Variants in FLRT2 observed in about 807,000 individuals in gnomAD.
The protein encoded by FLRT2 is leucine-rich repeat transmembrane protein FLRT2.
Under a neutral mutation model 40.0 loss-of-function variants are expected in FLRT2, and 15 were observed. That is an observed-to-expected ratio of 0.38 (90% CI 0.25 to 0.58). FLRT2 has a LOEUF of 0.58. Ranked by LOEUF, FLRT2 falls within the 20% of genes least tolerant of loss-of-function variation. The pLI is 0.71. For missense variants in FLRT2, 726 were observed against 840.0 expected (o/e 0.86, Z 1.68); for synonymous variants, 380 against 336.8 (o/e 1.13, Z -1.41).
intron 1 of FLRT2, among the ~76,000 whole-genome samples, chr14:85,586,103 A>G (rs977372346): frequency 2.2e-4 from 32 of 148,318 alleles, no homozygotes; most frequent in African/African-American, 7.6e-4. Context: ...TATTTATTAT[A>G]TTTTATATAA....
At chr14:85,573,025 T>C (rs186557740) in intron 1 of FLRT2, among the ~76,000 whole-genome samples, 31 of 152,298 alleles carry the variant, frequency 2.0e-4, no homozygotes, top group Non-Finnish European at 2.6e-4. Context: ...CTCTGATTAG[T>C]CACAGTTTTG....
intron 1 of FLRT2, among the ~76,000 whole-genome samples, chr14:85,588,628 T>G (rs1365674155): frequency 6.6e-6 from 1 of 152,186 alleles, no homozygotes. Flanking sequence ...AACCCAGTTA[T>G]ACTCTTTGAG....
chr14:85,594,932 A>T (rs1892064682), intron 1 of FLRT2, among the ~76,000 whole-genome samples: 1 of 152,218 alleles, frequency 6.6e-6, no homozygotes, highest in African/African-American at 2.4e-5. Context: ...TAGAGAAAAG[A>T]AAATGTTATT....
rs1236730985 is a variant in FLRT2, at chr14:85,624,938, T to A, written c.*1441T>A. 3.0e-5 allele frequency: 5 copies of A among 167,068 alleles called. No individual in the cohort carries two copies. The highest frequency in any genetic ancestry group is 7.2e-5 in the African/African-American group (3 of 41,472). 10.3% of individuals were successfully genotyped at this position (167,068 alleles called of 1,614,324 possible). A position where few individuals can be genotyped will look rare whatever the true frequency, so the allele number is the denominator to read the frequency against. On this transcript the variant is annotated 3_prime_UTR_variant, in exon 2 of 2. Transcript: ENST00000330753. ...ATTTGTTCCTTTTCCATCGTGGATG[T>A]TCCTCTACTTTGGCAATTGTGGAGG...
intron 1 of FLRT2, among the ~76,000 whole-genome samples, chr14:85,587,231 G>A (rs1595057474): frequency 6.7e-6 from 1 of 150,234 alleles, no homozygotes; most frequent in Non-Finnish European, 1.5e-5. Context: ...GTGGGCATGA[G>A]TAGGTTTGAG....
At chr14:85,586,377 A>T (rs960036368) in intron 1 of FLRT2, among the ~76,000 whole-genome samples, 15 of 152,112 alleles carry the variant, frequency 9.9e-5, no homozygotes, top group African/African-American at 3.6e-4. Flanking sequence ...GACAATACTG[A>T]TATAAGAAAC....
intron 1 of FLRT2, among the ~76,000 whole-genome samples, chr14:85,550,254 T>C (rs1566722228): frequency 6.6e-6 from 1 of 152,164 alleles, no homozygotes; most frequent in Non-Finnish European, 1.5e-5. Context: ...ATATATTCTA[T>C]GGGGACAGTG....
At chr14:85,592,808 G>A (rs75240348) in intron 1 of FLRT2, among the ~76,000 whole-genome samples, 385 of 129,002 alleles carry the variant, frequency 3.0e-3, no homozygotes, top group Middle Eastern at 0.016. Context: ...AAAAAAAAAA[G>A]AAAAAAAAGA....
In FLRT2 at chr14:85,653,983, A is replaced by T. The variant is rs1894491438; in HGVS notation, c.*30486A>T. On this transcript the variant is annotated 3_prime_UTR_variant, in exon 2 of 2. Transcript: ENST00000330753. Reference sequence around the variant, plus strand: ...ATTCCTAAATGCTATTGCTCACCTCAAGTCAATGTCACTTTGTATTAATGG... The same window carrying T: ...ATTCCTAAATGCTATTGCTCACCTCTAGTCAATGTCACTTTGTATTAATGG... The T allele has an allele frequency of 6.6e-6, 1 of 152,200 alleles. No homozygotes were observed. The highest frequency in any genetic ancestry group is 1.5e-5 in the Non-Finnish European group (1 of 68,036). 9.4% of individuals were successfully genotyped at this position (152,200 alleles called of 1,614,324 possible).
chr14:85,587,592 A>G (rs1237269837), intron 1 of FLRT2, among the ~76,000 whole-genome samples: 1 of 151,168 alleles, frequency 6.6e-6, no homozygotes, highest in Non-Finnish European at 1.5e-5. Context: ...TTTTTTTTCT[A>G]AGTGAACACT....
At chr14:85,539,591 C>A (rs1423139136) in intron 1 of FLRT2, among the ~76,000 whole-genome samples, 1 of 152,078 alleles carries the variant, frequency 6.6e-6, no homozygotes, top group African/African-American at 2.4e-5. Flanking sequence ...ATGCTTCTTT[C>A]TATATTCAGC....
rs2139378377 is a variant in FLRT2, at chr14:85,626,189, T to A, written c.*2692T>A. ...AGAAAGCACGTGATGGAATCTGTGA[T>A]GTCTAATGTGTCTTATGAAAATTGC... is the stretch of plus-strand genomic sequence containing the variant. On this transcript the variant is annotated 3_prime_UTR_variant, in exon 2 of 2. Transcript: ENST00000330753. 1.2e-5 allele frequency: 2 copies of A among 167,206 alleles called. No individual in the cohort carries two copies. Among genetic ancestry groups the A allele is most frequent in the South Asian group, 4.1e-4 (2 of 4,830 alleles). 10.4% of individuals were successfully genotyped at this position (167,206 alleles called of 1,614,324 possible). A position where few individuals can be genotyped will look rare whatever the true frequency, so the allele number is the denominator to read the frequency against.
At chr14:85,541,697 C>A (rs1888992826) in intron 1 of FLRT2, among the ~76,000 whole-genome samples, 1 of 152,170 alleles carries the variant, frequency 6.6e-6, no homozygotes, top group African/African-American at 2.4e-5. Context: ...CATTGTCTTA[C>A]CATTACCTTC....
chr14:85,568,287 A>G (rs1689973283), intron 1 of FLRT2, among the ~76,000 whole-genome samples: 1 of 152,018 alleles, frequency 6.6e-6, no homozygotes, highest in African/African-American at 2.4e-5. Flanking sequence ...GTTCTGCCCT[A>G]GGTAAGTCAT....
intron 1 of FLRT2, among the ~76,000 whole-genome samples, chr14:85,531,996 C>T (rs560671514): frequency 9.2e-5 from 14 of 152,316 alleles, no homozygotes; most frequent in African/African-American, 3.4e-4. Flanking sequence ...ATGATTTAGG[C>T]TCTCAAATAC....
intron 1 of FLRT2, among the ~76,000 whole-genome samples, chr14:85,545,736 A>C (rs1889243459): frequency 6.6e-6 from 1 of 152,238 alleles, no homozygotes; most frequent in South Asian, 2.1e-4. Context: ...TACTAAGGAA[A>C]GCTTGTGGAT....
At position 85,641,229 on chromosome 14, in the gene FLRT2, A is replaced by C. The variant is rs1894141584; in HGVS notation, c.*17732A>C. 1.3e-5 allele frequency: 2 copies of C among 152,208 alleles called. No individual in the cohort carries two copies. The highest frequency in any genetic ancestry group is 4.1e-4 in the South Asian group (2 of 4,830). The allele number at this position is 152,208 out of a possible 1,614,324, so 9.4% of individuals were successfully genotyped here. A position where few individuals can be genotyped will look rare whatever the true frequency, so the allele number is the denominator to read the frequency against. On this transcript the variant is annotated 3_prime_UTR_variant, in exon 2 of 2. Transcript: ENST00000330753. ...CTGTGACAGTCAGCTTTTTCCCTGG[A>C]TATGGCTTATTGGTATTCATTATTC...
At chr14:85,545,207 A>G (rs1889212858) in intron 1 of FLRT2, among the ~76,000 whole-genome samples, 1 of 147,936 alleles carries the variant, frequency 6.8e-6, no homozygotes, top group African/African-American at 2.7e-5. Context: ...TCCAGTAATA[A>G]CAACAGTAAC....
intron 1 of FLRT2, among the ~76,000 whole-genome samples, chr14:85,609,958 A>T (rs1488063391): frequency 6.6e-6 from 1 of 152,198 alleles, no homozygotes; most frequent in African/African-American, 2.4e-5. Flanking sequence ...ACATAGAATA[A>T]TTTATAGGTA....
Sources: gnomAD v4.1 joint callset for allele counts (sites outside exome capture counted in the v4.1 genomes callset) on GRCh38, gnomAD v4.1.1 for gene constraint, MANE v1.5 for transcripts, NCBI Gene and HGNC (gene_info 2026-07-23, HGNC 2026-07-21) for gene names.